GDPD5: variants seen among roughly 807,000 people sequenced by gnomAD.
The protein encoded by GDPD5 is glycerophosphodiester phosphodiesterase domain containing 5.
A neutral mutation model predicts 75.1 loss-of-function variants in GDPD5; 48 were observed. The ratio of observed to expected loss-of-function variants is 0.64; its 90% confidence interval spans 0.51 to 0.81. The LOEUF (loss-of-function observed/expected upper bound fraction) is 0.81. Among genes scored for constraint, GDPD5 ranks in the 40% least tolerant of loss-of-function variants. The pLI is 0.00. For missense variants in GDPD5, 706 were observed against 822.6 expected, an observed-to-expected ratio of 0.86 and a Z score of 1.73; for synonymous variants, 336 against 339.0, an observed-to-expected ratio of 0.99 and a Z score of 0.10.
At chr11:75,509,695 T>C (rs1950474855) in intron 1 of GDPD5, among the ~76,000 whole-genome samples, 1 of 152,156 alleles carries the variant, frequency 6.6e-6, no homozygotes, top group Admixed American at 6.5e-5. Context: ...CTTTTTCTTT[T>C]TTGAGATGGA....
chr11:75,498,342 C>T (rs1454442275), intron 1 of GDPD5, among the ~76,000 whole-genome samples: 1 of 152,224 alleles, frequency 6.6e-6, no homozygotes, highest in East Asian at 1.9e-4. Flanking sequence ...CCCAAGTGAT[C>T]CCTGAGCACC....
intron 1 of GDPD5, among the ~76,000 whole-genome samples, chr11:75,522,461 C>G (rs1180791712): frequency 6.6e-6 from 1 of 152,182 alleles, no homozygotes; most frequent in Admixed American, 6.5e-5. Context: ...CCCTCCACCC[C>G]TTTCTGCCCT....
intron 1 of GDPD5, chr11:75,516,088 C>G (rs1285877975): frequency 1.3e-5 from 2 of 152,264 alleles, no homozygotes; most frequent in East Asian, 1.9e-4. Context: ...GCCCTGGGAA[C>G]TGACCTCTGT....
Position 75,443,296 on chromosome 11 carries a change from G to A in GDPD5, c.798-10C>T, listed in dbSNP as rs1052900941. ...GGGCACGCCGTCCAGGCTGCAGGGA[G>A]GGTGGGGCCACCGAGTCAGTGACCC... On this transcript the variant is annotated splice_polypyrimidine_tract_variant and intron_variant, in intron 10 of 16. Coordinates refer to ENST00000336898, the MANE Select transcript of GDPD5 (RefSeq NM_030792.8). 4 of 1,602,138 alleles carry A rather than the reference G, an allele frequency of 2.5e-6. No individual in the cohort carries two copies. Among genetic ancestry groups the A allele is most frequent in the Non-Finnish European group, 3.4e-6 (4 of 1,176,202 alleles).
intron 7 of GDPD5, 131 bp from the exon 8 acceptor site, chr11:75,449,741 C>T: frequency 8.0e-7 from 1 of 1,254,200 alleles, no homozygotes; most frequent in Middle Eastern, 1.9e-4. Context: ...CACTGGGAGC[C>T]TCAGGACCCT....
chr11:75,466,294 G>T (rs541629608), intron 3 of GDPD5, among the ~76,000 whole-genome samples: 1 of 152,204 alleles, frequency 6.6e-6, no homozygotes, highest in Admixed American at 6.5e-5. Flanking sequence ...CAGCACAGAG[G>T]GAGGCAGGCA....
At chr11:75,458,468 C>T (rs1488329263) in intron 4 of GDPD5, among the ~76,000 whole-genome samples, 3 of 152,148 alleles carry the variant, frequency 2.0e-5, no homozygotes, top group African/African-American at 2.4e-5. Context: ...GTCAGGAGAT[C>T]GAGACCATCC....
At chr11:75,445,968 C>T (rs1404707530) in intron 9 of GDPD5, among the ~76,000 whole-genome samples, 1 of 152,252 alleles carries the variant, frequency 6.6e-6, no homozygotes, top group East Asian at 1.9e-4. Context: ...GCATACAGCA[C>T]TCTTGGAGGA....
chr11:75,439,209 C>T lies in GDPD5; in HGVS notation c.1556+670G>A, dbSNP rs181845438. ...TTGCGGGGGTAAGGGAGGCTTCAGG[C>T]GAGCGCGCTGTCTGCGAGGTGGCCC... On this transcript the variant is annotated intron_variant, in intron 15 of 16. Transcript: ENST00000336898. The T allele has an allele frequency of 2.9e-4, 115 of 396,878 alleles. 1 individual carries two copies. The highest frequency in any genetic ancestry group is 1.4e-3 in the Middle Eastern group (2 of 1,434). 24.6% of individuals were successfully genotyped at this position (396,878 alleles called of 1,614,324 possible). A position where few individuals can be genotyped will look rare whatever the true frequency, so the allele number is the denominator to read the frequency against.
intron 3 of GDPD5, among the ~76,000 whole-genome samples, chr11:75,471,427 C>T (rs555456805): frequency 2.0e-5 from 3 of 152,358 alleles, no homozygotes; most frequent in African/African-American, 7.2e-5. Context: ...AATCAGGCCT[C>T]TGTCCTTGCT....
intron 5 of GDPD5, 151 bp from the exon 6 acceptor site, chr11:75,456,967 TC>T: frequency 1.4e-6 from 1 of 720,264 alleles, no homozygotes; most frequent in Non-Finnish European, 2.4e-6. Flanking sequence ...TGCGCTGCCC[TC>T]CCCAGCCCAG....
At chr11:75,448,373 A>G in intron 9 of GDPD5, 1 of 644,424 alleles carries the variant, frequency 1.6e-6, no homozygotes, top group African/African-American at 2.0e-5. Flanking sequence ...CACTAGTCCC[A>G]TGGTACAAGA....
At chr11:75,436,296 C>T (rs1442097154) in intron 16 of GDPD5, among the ~76,000 whole-genome samples, 1 of 152,166 alleles carries the variant, frequency 6.6e-6, no homozygotes. Context: ...AAGCGGTGCT[C>T]CCTTGCCACC....
At chr11:75,463,418 A>G (rs893133663) in intron 3 of GDPD5, among the ~76,000 whole-genome samples, 2 of 152,192 alleles carry the variant, frequency 1.3e-5, no homozygotes, top group Non-Finnish European at 2.9e-5. Flanking sequence ...CCACTGGGCC[A>G]GATACCCCTG....
At chr11:75,467,678 T>C (rs1416693011) in intron 3 of GDPD5, among the ~76,000 whole-genome samples, 2 of 151,938 alleles carry the variant, frequency 1.3e-5, no homozygotes, top group African/African-American at 4.8e-5. Flanking sequence ...GGCCCCTGGC[T>C]GTGGATGGGG....
chr11:75,464,314 C>T (rs1236250543), intron 3 of GDPD5, among the ~76,000 whole-genome samples: 1 of 152,204 alleles, frequency 6.6e-6, no homozygotes, highest in Admixed American at 6.5e-5. Flanking sequence ...AGTACTTATG[C>T]CATGGGGTTG....
intron 14 of GDPD5, among the ~76,000 whole-genome samples, chr11:75,440,851 C>T (rs1237769368): frequency 6.6e-6 from 1 of 152,204 alleles, no homozygotes. Context: ...AGCCCCACGC[C>T]CGGTCAATGC....
chr11:75,459,170 T>A (rs1269612708), intron 4 of GDPD5, among the ~76,000 whole-genome samples: 1 of 152,234 alleles, frequency 6.6e-6, no homozygotes, highest in African/African-American at 2.4e-5. Context: ...TGAATTAATG[T>A]ACCATATGTA....
chr11:75,465,745 G>A (rs1369863205), intron 3 of GDPD5, among the ~76,000 whole-genome samples: 2 of 152,224 alleles, frequency 1.3e-5, no homozygotes, highest in South Asian at 2.1e-4. Context: ...GCCTCCTCAG[G>A]GGCAAGGCCT....
Sources: gnomAD v4.1 joint callset for allele counts (sites outside exome capture counted in the v4.1 genomes callset) on GRCh38, gnomAD v4.1.1 for gene constraint, MANE v1.5 for transcripts, NCBI Gene and HGNC (gene_info 2026-07-23, HGNC 2026-07-21) for gene names.